MED23: variants seen among roughly 807,000 people sequenced by gnomAD.
The protein encoded by MED23 is mediator complex subunit 23, also known as mediator of RNA polymerase II transcription subunit 23.
A neutral mutation model predicts 163.9 loss-of-function variants in MED23; 105 were observed. The observed-to-expected ratio is 0.64, with a 90% CI of 0.55 to 0.75. The LOEUF is 0.75. Ranked by LOEUF, MED23 falls within the 30% of genes least tolerant of loss-of-function variation. The pLI is 0.00. For missense variants in MED23, 1,054 were observed against 1,649.0 expected (o/e 0.64, Z 6.25); for synonymous variants, 561 against 565.6 (o/e 0.99, Z 0.12).
chr6:131,624,131 G>A (rs1353203518), intron 4 of MED23, among the ~76,000 whole-genome samples: 2 of 152,176 alleles, frequency 1.3e-5, no homozygotes, highest in Non-Finnish European at 2.9e-5. Flanking sequence ...ATGGCAACAA[G>A]ATTTTTGATC....
At chr6:131,619,519 C>G (rs1003338809) in intron 8 of MED23, among the ~76,000 whole-genome samples, 1 of 152,196 alleles carries the variant, frequency 6.6e-6, no homozygotes, top group Non-Finnish European at 1.5e-5. Flanking sequence ...GTTCAGACTT[C>G]CAGCTGCCTA....
At chr6:131,619,942 G>A in intron 7 of MED23, 46 bp from the exon 8 acceptor site, 2 of 1,217,796 alleles carry the variant, frequency 1.6e-6, no homozygotes, top group Non-Finnish European at 2.4e-6. Flanking sequence ...ACGTACAAAA[G>A]GAAAATTGAG....
chr6:131,579,980 T>C lies in MED23; in HGVS notation c.4096-5685A>G, dbSNP rs531155367. On this transcript the variant is annotated intron_variant, in intron 30 of 30. Transcript: ENST00000354577. The stretch of plus-strand genomic sequence containing the variant: ...CATCAGTTTTTTAATTGCTGCATGA[T>C]TTTTCATCAAGGGGTTACATCGCTA... Among the ~76,000 whole-genome samples, 16 of 152,272 alleles carry C rather than the reference T, an allele frequency of 1.1e-4. No homozygotes were observed. In the East Asian group the frequency reaches 2.1e-3, roughly 20 times the overall value.
chr6:131,594,019 T>A, intron 23 of MED23, 80 bp downstream of exon 23: 2 of 1,216,022 alleles, frequency 1.6e-6, no homozygotes, highest in Non-Finnish European at 2.3e-6. Flanking sequence ...CATAAAAAAT[T>A]ACTTTAAAAG....
At chr6:131,606,739 C>G (rs572254144) in intron 12 of MED23, 115 bp from the exon 13 acceptor site, 1 of 933,706 alleles carries the variant, frequency 1.1e-6, no homozygotes, top group Admixed American at 2.2e-5. Flanking sequence ...TCATGTCTTA[C>G]TTTAGCCCCG....
chr6:131,580,559 T>C (rs1773867494), intron 30 of MED23, among the ~76,000 whole-genome samples: 1 of 152,214 alleles, frequency 6.6e-6, no homozygotes, highest in South Asian at 2.1e-4. Context: ...TCCTAACTTT[T>C]AACTTCTGTG....
intron 26 of MED23, 53 bp from the exon 27 acceptor site, chr6:131,590,495 G>T (rs965400166): frequency 2.1e-6 from 3 of 1,412,184 alleles, no homozygotes; most frequent in Non-Finnish European, 3.0e-6. Flanking sequence ...TAAATTGTTT[G>T]AATTTTGTTC....
chr6:131,598,262 A>G lies in MED23; in HGVS notation c.2607+25T>C, dbSNP rs1347334794. On this transcript the variant is annotated intron_variant, in intron 20 of 28. Coordinates refer to ENST00000368068, the MANE Select transcript of MED23 (RefSeq NM_004830.4). The surrounding 1 kb of genome is among the most constrained non-coding windows in gnomAD (Gnocchi z 4.7). ...TCATACATCTTGATCTAAGAGAATA[A>G]GCTTAGAAATGTATTTATTCTTACC... 6.3e-7 allele frequency: 1 copy of G among 1,594,272 alleles called. No homozygotes were observed. The highest frequency in any genetic ancestry group is 8.6e-7 in the Non-Finnish European group (1 of 1,161,996).
rs1775251637 is a variant in MED23 at position 131,598,701 on chromosome 6, C to A, written c.2281G>T (p.Glu761Ter). 6.2e-7 allele frequency: 1 copy of A among 1,613,970 alleles called. No individual in the cohort carries two copies. Among genetic ancestry groups the A allele is most frequent in the African/African-American group, 1.3e-5 (1 of 74,892 alleles). The change falls in exon 19 of 29, where the codon GAG (glutamate) becomes TAG (stop). Residue 761 changes from glutamate to a stop codon, truncating the protein, a stop_gained. Transcript: ENST00000368068. LOFTEE classifies it high-confidence loss of function. This position sits in a 1 kb window ranked among gnomAD's most constrained non-coding sequence, Gnocchi z 4.7. The part of the protein sequence containing the change: ...ESRFNLKKNV[E>*]EEYRKWKSMS... ...GACTTCCACTTCCTATACTCCTCCT[C>A]CACATTTTTTTTCAGATTAAAACGG...
chr6:131,589,463 A>C lies in MED23; in HGVS notation c.3939+2T>G. 6.2e-7 allele frequency: 1 copy of C among 1,612,302 alleles called. No individual in the cohort carries two copies. On this transcript the variant is annotated splice_donor_variant, in intron 28 of 28. Transcript: ENST00000368068. LOFTEE classifies it high-confidence loss of function. ...AAAAATAATTAAACAAATTCAACTT[A>C]CTTGCTCTTTCACGCTGTCACCAGT...
intron 30 of MED23, among the ~76,000 whole-genome samples, chr6:131,578,401 C>T (rs533492220): frequency 3.9e-5 from 6 of 152,232 alleles, no homozygotes; most frequent in African/African-American, 1.4e-4. Context: ...CACAGTTTTA[C>T]ATGACACTCT....
At chr6:131,600,194 A>G (rs1775361147) in intron 17 of MED23, 32 bp from the exon 18 acceptor site, 1 of 1,545,658 alleles carries the variant, frequency 6.5e-7, no homozygotes, top group Non-Finnish European at 8.9e-7. Flanking sequence ...TAATCCAGAT[A>G]TAAATGATTA....
chr6:131,602,251 T>G lies in MED23; in HGVS notation c.2062A>C (p.Ile688Leu). 6.2e-7 allele frequency: 1 copy of G among 1,613,938 alleles called. No homozygotes were observed. The highest frequency in any genetic ancestry group is 1.1e-5 in the South Asian group (1 of 91,076). Reference sequence around the variant, plus strand: ...TGAGTTGCTCTAGCCAAGGTCAATATCAAGGCTCGGTTCAGTTCTTCAGAT... The same window carrying G: ...TGAGTTGCTCTAGCCAAGGTCAATAGCAAGGCTCGGTTCAGTTCTTCAGAT... The part of the protein sequence containing the change: ...AESEELNRAL[I>L]LTLARATHVT... Residue 688 changes from isoleucine to leucine, a missense_variant, in exon 17 of 29, where the codon ATA becomes CTA. Ile to Leu is a conservative substitution (Grantham distance 5). Transcript: ENST00000368068.
chr6:131,610,148 TC>T lies in MED23; in HGVS notation c.974del (p.Gly325GlufsTer36), dbSNP rs770588171. 1.2e-6 allele frequency: 2 copies of T among 1,614,016 alleles called. No homozygotes were observed. Among genetic ancestry groups the T allele is most frequent in the South Asian group, 2.2e-5 (2 of 91,072 alleles). ...GATGCTGCCACAGGAGTTGGCTTGTTCCCCCATCGTCAAACTTCTCCTCGGT... is the reference window on the plus strand; with the variant it reads ...GATGCTGCCACAGGAGTTGGCTTGTTCCCCATCGTCAAACTTCTCCTCGGT... ...SETEEKFDDG[G>X]TSQLLWQHLS... On this transcript the variant is annotated frameshift_variant, in exon 11 of 29. Coordinates refer to ENST00000368068, the MANE Select transcript of MED23 (RefSeq NM_004830.4). LOFTEE classifies it high-confidence loss of function.
chr6:131,604,356 T>C (rs1203302436), intron 14 of MED23, 36 bp from the exon 15 acceptor site: 1 of 1,607,190 alleles, frequency 6.2e-7, no homozygotes, highest in African/African-American at 1.3e-5. Context: ...TAAAAATCCA[T>C]ATTTTTGACA....
rs997320025 is a variant in MED23, at chr6:131,605,271, G to A, written c.1582C>T (p.Leu528=). Residue 528 remains leucine, a synonymous_variant, in exon 14 of 29, where the codon CTG becomes TTG. Coordinates refer to ENST00000368068, the MANE Select transcript of MED23 (RefSeq NM_004830.4). ...GSITPLPMNL[L]DSLTVHAKMS... ...TTGGCATGAACTGTCAGTGAATCCAGGAGGTTCATAGGTAAGGGGGTAATA... is the reference window on the plus strand; with the variant it reads ...TTGGCATGAACTGTCAGTGAATCCAAGAGGTTCATAGGTAAGGGGGTAATA... 2.5e-6 allele frequency: 4 copies of A among 1,613,548 alleles called. No homozygotes were observed. Among genetic ancestry groups the A allele is most frequent in the Non-Finnish European group, 3.4e-6 (4 of 1,179,678 alleles).
chr6:131,583,190 ATGTGTGTG>A, downstream of MED23: 1 of 1,601,186 alleles, frequency 6.2e-7, no homozygotes, highest in South Asian at 1.1e-5. Flanking sequence ...GTGTGCACAC[ATGTGTGTG>A]CAACAGAAAA....
At chr6:131,613,455 T>C (rs768010644) in intron 10 of MED23, among the ~76,000 whole-genome samples, 1 of 152,156 alleles carries the variant, frequency 6.6e-6, no homozygotes, top group Non-Finnish European at 1.5e-5. Context: ...AATTATCACA[T>C]TGCTAGAGAA....
Position 131,604,328 on chromosome 6 carries a change from G to T in MED23, c.1614-8C>A. 1 of 1,612,432 alleles carries T rather than the reference G, an allele frequency of 6.2e-7. No homozygotes were observed. The highest frequency in any genetic ancestry group is 1.3e-5 in the African/African-American group (1 of 74,838). ...GCAATGCTGTGAATAAGGCTGAGGAGAAAAAAAGGGAAGAAAATAAAAATC... is the reference window on the plus strand; with the variant it reads ...GCAATGCTGTGAATAAGGCTGAGGATAAAAAAAGGGAAGAAAATAAAAATC... On this transcript the variant is annotated splice_region_variant and splice_polypyrimidine_tract_variant and intron_variant, in intron 14 of 28. Transcript: ENST00000368068.
Sources: allele counts gnomAD v4.1 joint callset (sites outside exome capture counted in the v4.1 genomes callset), GRCh38; gene constraint gnomAD v4.1.1; non-coding constraint Gnocchi (gnomAD v3.1); transcripts MANE v1.5; gene names NCBI Gene and HGNC (gene_info 2026-07-23, HGNC 2026-07-21).